Variants in TCF7L2 observed in about 807,000 individuals in gnomAD.
TCF7L2 encodes transcription factor 7-like 2.
A neutral mutation model predicts 77.9 loss-of-function variants in TCF7L2; 23 were observed. The ratio of observed to expected loss-of-function variants is 0.30; its 90% confidence interval spans 0.21 to 0.42. The LOEUF (loss-of-function observed/expected upper bound fraction) is 0.42, where lower values mean the gene tolerates loss of function less well. Among genes scored for constraint, TCF7L2 ranks in the 10% least tolerant of loss-of-function variants. TCF7L2 has a pLI of 1.00. For synonymous variants in TCF7L2, 413 were observed against 340.2 expected, an observed-to-expected ratio of 1.21 and a Z score of -2.36; for missense variants, 654 against 793.1, an observed-to-expected ratio of 0.82 and a Z score of 2.11.
At chr10:112,981,392 T>C (rs372529804) in intron 4 of TCF7L2, among the ~76,000 whole-genome samples, 3 of 152,278 alleles carry the variant, frequency 2.0e-5, no homozygotes, top group East Asian at 3.9e-4. Flanking sequence ...AATTTGCCAG[T>C]TTATCTCTAT....
chr10:113,031,417 T>A (rs893373235), intron 4 of TCF7L2, among the ~76,000 whole-genome samples: 21 of 151,806 alleles, frequency 1.4e-4, no homozygotes, highest in Non-Finnish European at 2.5e-4. Context: ...ATTTAACAGA[T>A]CTGGAGTGCA....
chr10:113,087,187 G>C (rs543633182), intron 5 of TCF7L2, among the ~76,000 whole-genome samples: 1 of 152,310 alleles, frequency 6.6e-6, no homozygotes, highest in African/African-American at 2.4e-5. Context: ...GAGAGGTTGT[G>C]TGTGTGTTTA....
intron 12 of TCF7L2, chr10:113,158,674 C>A (rs751331129): frequency 1.9e-6 from 3 of 1,613,680 alleles, no homozygotes; most frequent in South Asian, 2.2e-5. Flanking sequence ...CAGAACACAG[C>A]GAATGTTTCC....
intron 5 of TCF7L2, chr10:113,089,472 A>G (rs2060151328): frequency 2.5e-6 from 4 of 1,613,546 alleles, no homozygotes; most frequent in South Asian, 1.1e-5. Flanking sequence ...CACTGTCAGC[A>G]CTCAAGTCTT....
intron 4 of TCF7L2, among the ~76,000 whole-genome samples, chr10:113,023,331 C>T (rs891501103): frequency 1.3e-5 from 2 of 152,150 alleles, no homozygotes; most frequent in African/African-American, 2.4e-5. Flanking sequence ...CGCAGCAAGA[C>T]CTCGTTAAGT....
intron 5 of TCF7L2, among the ~76,000 whole-genome samples, chr10:113,127,513 T>A (rs2065845248): frequency 6.6e-6 from 1 of 152,218 alleles, no homozygotes; most frequent in African/African-American, 2.4e-5. Context: ...TGCACATGAT[T>A]GTAATTTCAT....
At chr10:113,138,805 C>G (rs1230921727) in intron 5 of TCF7L2, among the ~76,000 whole-genome samples, 2 of 152,104 alleles carry the variant, frequency 1.3e-5, no homozygotes, top group African/African-American at 4.8e-5. Context: ...CCACAACACC[C>G]AGCAAGCAGG....
chr10:113,089,353 C>T (rs765579535), intron 5 of TCF7L2: 1 of 1,584,340 alleles, frequency 6.3e-7, no homozygotes, highest in East Asian at 2.3e-5. Context: ...TGACGTGTCC[C>T]CCTCGCTCCC....
chr10:113,063,866 T>C (rs533870237), intron 5 of TCF7L2, among the ~76,000 whole-genome samples: 2 of 149,200 alleles, frequency 1.3e-5, no homozygotes, highest in African/African-American at 2.5e-5. Flanking sequence ...AGGAGAAGAG[T>C]GTATGTGTGT....
rs112122328 is a variant in TCF7L2 at position 113,165,496 on chromosome 10, ACT to A, written c.1392-53_1392-52del. ...TCAGCTTGGGTGTGAGCATTAGGTAACTCTCTCCCTTGGCATCTGTGCCCTCT... is the reference window on the plus strand; with the variant it reads ...TCAGCTTGGGTGTGAGCATTAGGTAACTCTCCCTTGGCATCTGTGCCCTCT... On this transcript the variant is annotated intron_variant, in intron 13 of 13. Transcript: ENST00000627217. The A allele has an allele frequency of 5.7e-6, 9 of 1,570,466 alleles. No individual in the cohort carries two copies. The African/African-American group carries it at 9.5e-5, about 17-fold the overall frequency.
intron 4 of TCF7L2, among the ~76,000 whole-genome samples, chr10:112,987,249 T>G (rs2041714075): frequency 6.6e-6 from 1 of 152,188 alleles, no homozygotes; most frequent in Non-Finnish European, 1.5e-5. Context: ...TTTGCTACTT[T>G]GTGACTTTAT....
intron 5 of TCF7L2, among the ~76,000 whole-genome samples, chr10:113,096,353 A>G (rs545438310): frequency 2.7e-4 from 41 of 152,332 alleles, no homozygotes; most frequent in African/African-American, 9.1e-4. Flanking sequence ...TATTAAGGGC[A>G]GTGATTATTA....
intron 5 of TCF7L2, among the ~76,000 whole-genome samples, chr10:113,111,857 A>G (rs1025584332): frequency 2.0e-5 from 3 of 152,166 alleles, no homozygotes; most frequent in Non-Finnish European, 4.4e-5. Flanking sequence ...ATTCTTCTAA[A>G]TCCTCTGAGC....
At chr10:113,113,852 A>G (rs749049745) in intron 5 of TCF7L2, among the ~76,000 whole-genome samples, 5 of 152,166 alleles carry the variant, frequency 3.3e-5, no homozygotes, top group Admixed American at 1.3e-4. Flanking sequence ...TTAAGATGTT[A>G]AATATAAAAA....
At position 113,098,071 on chromosome 10, in the gene TCF7L2, A is replaced by G. The variant is rs11196227; in HGVS notation, c.553-43113A>G. ...TCTCAAAAAAAAAAAAAAAAAAAAA[A>G]AAGAAGAAGAAGAAGAAACACATGT... is the stretch of plus-strand genomic sequence containing the variant. On this transcript the variant is annotated intron_variant, in intron 5 of 13. Transcript: ENST00000627217. 1.5e-3 allele frequency among the ~76,000 whole-genome samples: 231 copies of G among 150,044 alleles called. 1 individual carries two copies. Among genetic ancestry groups the G allele is most frequent in the East Asian group, 0.013 (68 of 5,046 alleles).
At chr10:113,082,622 C>T (rs1252446205) in intron 5 of TCF7L2, among the ~76,000 whole-genome samples, 2 of 151,940 alleles carry the variant, frequency 1.3e-5, no homozygotes, top group Middle Eastern at 3.4e-3. Flanking sequence ...TGTGTGTGCA[C>T]GTGCACACGC....
intron 5 of TCF7L2, among the ~76,000 whole-genome samples, chr10:113,101,400 A>T (rs940667985): frequency 6.6e-6 from 1 of 151,944 alleles, no homozygotes; most frequent in Non-Finnish European, 1.5e-5. Context: ...AAAGTTATCC[A>T]GGCATGGTGG....
chr10:113,060,027 A>G (rs1239970452), intron 5 of TCF7L2, among the ~76,000 whole-genome samples: 2 of 152,200 alleles, frequency 1.3e-5, no homozygotes, highest in Non-Finnish European at 2.9e-5. Flanking sequence ...TGGATATGAC[A>G]GTGGGCTTTA....
chr10:112,951,110 A>AC (rs72101402), intron 1 of TCF7L2, 97 bp from the exon 2 acceptor site: 254 of 1,047,216 alleles, frequency 2.4e-4, no homozygotes, highest in African/African-American at 8.5e-4. Flanking sequence ...GTTTTTTTCT[A>AC]CCCCCCCCTC....
Sources: allele counts gnomAD v4.1 joint callset (sites outside exome capture counted in the v4.1 genomes callset), GRCh38; gene constraint gnomAD v4.1.1; transcripts MANE v1.5; gene names NCBI Gene and HGNC (gene_info 2026-07-23, HGNC 2026-07-21).